The following DCAF8L2 variants were observed in gnomAD, a reference collection of about 807,000 sequenced individuals.
DCAF8L2 encodes the protein DDB1 and CUL4 associated factor 8 like 2, also known as DDB1- and CUL4-associated factor 8-like protein 2.
For missense variants in DCAF8L2, 430 were observed against 490.7 expected, an observed-to-expected ratio of 0.88 and a Z score of 1.17; for synonymous variants, 200 against 190.9, an observed-to-expected ratio of 1.05 and a Z score of -0.39.
Position 27,622,776 on chromosome X carries a change from T to C in DCAF8L2, c.-341-9103T>C, listed in dbSNP as rs1044606118. Among the ~76,000 whole-genome samples the C allele has an allele frequency of 5.8e-5, 6 of 104,025 alleles. No individual in the cohort carries two copies. In the Admixed American group the frequency reaches 6.3e-4, roughly 11 times the overall value. The allele number at this position is 104,025 out of a possible 115,157, so 90.3% of individuals were successfully genotyped here. The stretch of plus-strand genomic sequence containing the variant: ...AACTACCATACAATTCTGGTTATCT[T>C]TGGCAGAGAGAAATAGTGATTTTGA... On this transcript the variant is annotated intron_variant, in intron 1 of 4. Transcript: ENST00000451261.
chrX:27,516,637 T>C, the DCAF8L2 span, among the ~76,000 whole-genome samples: 1 of 111,731 alleles, frequency 9.0e-6, no homozygotes, highest in Non-Finnish European at 1.9e-5. Flanking sequence ...AAAAGGCAGT[T>C]AAACATTTGG....
At chrX:27,528,499 T>C in the DCAF8L2 span, among the ~76,000 whole-genome samples, 707 of 102,962 alleles carry the variant, frequency 6.9e-3, 7 homozygotes, top group African/African-American at 0.023. Context: ...TATATATATA[T>C]ATACACACAC....
the DCAF8L2 span, among the ~76,000 whole-genome samples, chrX:27,469,780 T>C: frequency 1.0e-5 from 1 of 96,447 alleles, no homozygotes; most frequent in Non-Finnish European, 2.0e-5. Context: ...CATTTTCTCT[T>C]TTTTTTTTTT....
intron 4 of DCAF8L2, among the ~76,000 whole-genome samples, chrX:27,730,723 GAAA>G (rs11324384): frequency 1.0e-5 from 1 of 98,487 alleles, no homozygotes; most frequent in African/African-American, 3.7e-5. Context: ...TTTTATTTTT[GAAA>G]AAAAAAAAAA....
chrX:27,556,444 T>C, the DCAF8L2 span, among the ~76,000 whole-genome samples: 1 of 111,856 alleles, frequency 8.9e-6, no homozygotes, highest in Non-Finnish European at 1.9e-5. Context: ...TTTGCAAACT[T>C]ACTATCTGAT....
intron 4 of DCAF8L2, among the ~76,000 whole-genome samples, chrX:27,722,218 C>A (rs1931921971): frequency 9.0e-6 from 1 of 111,176 alleles, no homozygotes; most frequent in East Asian, 2.8e-4. Flanking sequence ...TAAAAGAAAA[C>A]AAAATAAAAA....
Position 27,591,936 on chromosome X carries a change from C to T in DCAF8L2, c.-342+1496C>T, listed in dbSNP as rs1195460040. ...CTAATATTAACTACAGGAAAATGCT[C>T]CCAAATGTACAGCACAGCCTGGTTG... On this transcript the variant is annotated intron_variant, in intron 1 of 4. Transcript: ENST00000451261. Among the ~76,000 whole-genome samples, 3 of 112,390 alleles carry T rather than the reference C, an allele frequency of 2.7e-5. No individual in the cohort carries two copies. In the East Asian group the frequency reaches 8.4e-4, roughly 32 times the overall value.
chrX:27,616,583 C>T (rs1476146118), intron 1 of DCAF8L2, among the ~76,000 whole-genome samples: 5 of 111,402 alleles, frequency 4.5e-5, no homozygotes, highest in African/African-American at 1.6e-4. Context: ...TGGGTTCAGT[C>T]GTAACTAAAC....
At chrX:27,677,215 C>A (rs1930169898) in intron 2 of DCAF8L2, among the ~76,000 whole-genome samples, 1 of 111,827 alleles carries the variant, frequency 8.9e-6, no homozygotes, top group Non-Finnish European at 1.9e-5. Flanking sequence ...TAAACAGATT[C>A]ATTCCTTCAT....
At chrX:27,636,585 G>T (rs1225535436) in intron 2 of DCAF8L2, among the ~76,000 whole-genome samples, 1 of 111,428 alleles carries the variant, frequency 9.0e-6, no homozygotes, top group Non-Finnish European at 1.9e-5. Context: ...CTGAAAACTA[G>T]ATATAGAGAG....
intron 3 of DCAF8L2, among the ~76,000 whole-genome samples, chrX:27,696,772 T>C (rs1251162508): frequency 1.8e-5 from 2 of 110,789 alleles, no homozygotes; most frequent in African/African-American, 6.8e-5. Flanking sequence ...TCTGAAAGAC[T>C]GTCAGTGGGT....
chrX:27,739,087 C>T (rs956287059), intron 4 of DCAF8L2, among the ~76,000 whole-genome samples: 3 of 110,835 alleles, frequency 2.7e-5, no homozygotes, highest in African/African-American at 9.9e-5. Context: ...TATATGACAT[C>T]GTGTGATAAA....
At chrX:27,589,962 A>G (rs1925997139), upstream of DCAF8L2, among the ~76,000 whole-genome samples, 1 of 111,550 alleles carries the variant, frequency 9.0e-6, no homozygotes, top group Non-Finnish European at 1.9e-5. Flanking sequence ...AGACTGAATC[A>G]CTGTAAAAAT....
intron 1 of DCAF8L2, among the ~76,000 whole-genome samples, chrX:27,631,366 A>G (rs1048930228): frequency 2.7e-5 from 3 of 111,644 alleles, no homozygotes; most frequent in East Asian, 2.8e-4. Context: ...CACCATTTCT[A>G]TTCAACATAG....
the DCAF8L2 span, among the ~76,000 whole-genome samples, chrX:27,557,284 G>T: frequency 8.9e-6 from 1 of 112,051 alleles, no homozygotes; most frequent in African/African-American, 3.2e-5. Flanking sequence ...AACTTTTAGT[G>T]TAGTCCTTTC....
the DCAF8L2 span, among the ~76,000 whole-genome samples, chrX:27,540,604 A>G: frequency 8.9e-6 from 1 of 111,853 alleles, no homozygotes; most frequent in Non-Finnish European, 1.9e-5. Flanking sequence ...GAGGATGGTT[A>G]ATGGATATAT....
chrX:27,661,818 A>G, intron 2 of DCAF8L2, among the ~76,000 whole-genome samples: 1 of 111,851 alleles, frequency 8.9e-6, no homozygotes, highest in East Asian at 2.8e-4. Flanking sequence ...TATCAGTGAG[A>G]AATATTTCAC....
chrX:27,554,382 C>G, the DCAF8L2 span, among the ~76,000 whole-genome samples: 1 of 111,815 alleles, frequency 8.9e-6, no homozygotes, highest in Admixed American at 9.5e-5. Flanking sequence ...ATTTTCCAAC[C>G]CTGGCACATT....
intron 1 of DCAF8L2, among the ~76,000 whole-genome samples, chrX:27,621,714 C>T (rs1019664124): frequency 2.7e-5 from 3 of 111,813 alleles, no homozygotes; most frequent in African/African-American, 9.8e-5. Flanking sequence ...GATGCTGGGG[C>T]AGGCACTGTG....
Sources: allele counts gnomAD v4.1 joint callset (sites outside exome capture counted in the v4.1 genomes callset), GRCh38; gene constraint gnomAD v4.1.1; transcripts MANE v1.5; gene names NCBI Gene and HGNC (gene_info 2026-07-23, HGNC 2026-07-21).